SPATS1: variants seen among roughly 807,000 people sequenced by gnomAD.
The protein encoded by SPATS1 is spermatogenesis associated serine rich 1.
In SPATS1, 23 loss-of-function variants were observed where a neutral mutation model predicts 33.6. The observed-to-expected ratio is 0.68, with a 90% CI of 0.49 to 0.97. The LOEUF is 0.97. Ranked by LOEUF, SPATS1 falls within the 50% of genes least tolerant of loss-of-function variation. The pLI is 0.00. For synonymous variants in SPATS1, 131 were observed against 125.6 expected, an observed-to-expected ratio of 1.04 and a Z score of -0.29; for missense variants, 327 against 361.0, an observed-to-expected ratio of 0.91 and a Z score of 0.76.
intron 6 of SPATS1, 62 bp downstream of exon 6, chr6:44,368,561 A>G: frequency 6.8e-7 from 1 of 1,468,274 alleles, no homozygotes; most frequent in East Asian, 2.3e-5. Context: ...TCTCTCTACT[A>G]CACAGAAATT....
At chr6:44,348,800 AC>A (rs1378232547) in intron 2 of SPATS1, among the ~76,000 whole-genome samples, 2 of 152,098 alleles carry the variant, frequency 1.3e-5, no homozygotes, top group African/African-American at 4.8e-5. Flanking sequence ...TGGCTAAGAG[AC>A]CAGCCTGGCC....
At chr6:44,355,469 T>G (rs1561956398) in intron 3 of SPATS1, among the ~76,000 whole-genome samples, 1 of 152,198 alleles carries the variant, frequency 6.6e-6, no homozygotes, top group African/African-American at 2.4e-5. Context: ...TTCTCATACC[T>G]TTGAGTGTTT....
chr6:44,378,328 G>C lies in SPATS1; in HGVS notation c.*1265G>C, dbSNP rs1289904316. 1 of 152,110 alleles carries C rather than the reference G, an allele frequency of 6.6e-6. No homozygotes were observed. Among genetic ancestry groups the C allele is most frequent in the Non-Finnish European group, 1.5e-5 (1 of 68,038 alleles). The allele number at this position is 152,110 out of a possible 1,614,324, so 9.4% of individuals were successfully genotyped here. The stretch of plus-strand genomic sequence containing the variant: ...GGAACCCCCTTGGCTGGCTAATGAA[G>C]GCTGCAGATCTAGTATCTCCAAAAC... On this transcript the variant is annotated 3_prime_UTR_variant, in exon 9 of 9. Transcript: ENST00000674044.
intron 2 of SPATS1, among the ~76,000 whole-genome samples, chr6:44,348,167 C>T (rs530768289): frequency 1.3e-5 from 2 of 152,164 alleles, no homozygotes; most frequent in East Asian, 3.9e-4. Flanking sequence ...CACCACCATG[C>T]CCGGCTGATT....
In SPATS1 at chr6:44,360,560, G is replaced by A. The variant is rs921286456; in HGVS notation, c.402G>A (p.Lys134=). The A allele has an allele frequency of 3.1e-6, 5 of 1,614,032 alleles. No individual in the cohort carries two copies. The highest frequency in any genetic ancestry group is 4.2e-6 in the Non-Finnish European group (5 of 1,180,014). Residue 134 remains lysine, a synonymous_variant, in exon 4 of 9, where the codon AAG becomes AAA. Transcript: ENST00000674044. The part of the protein sequence containing the change: ...DKYPEEFSLL[K]LQTKDGHRPE... ...ATCCTGAGGAATTCAGCCTGCTTAA[G>A]TTGCAGACGAGTAAGTCACAGACCC...
At chr6:44,354,037 CA>C (rs34531075) in intron 3 of SPATS1, among the ~76,000 whole-genome samples, 8 of 99,112 alleles carry the variant, frequency 8.1e-5, no homozygotes, top group African/African-American at 2.4e-4. Context: ...GACTTCGCCT[CA>C]AAAAAAAAAA....
intron 3 of SPATS1, among the ~76,000 whole-genome samples, chr6:44,357,506 C>T (rs982289927): frequency 2.6e-5 from 4 of 152,188 alleles, no homozygotes; most frequent in Non-Finnish European, 5.9e-5. Flanking sequence ...CCTCAGCTCC[C>T]TGAATAGCTG....
chr6:44,367,530 C>T (rs1789320330), intron 5 of SPATS1, among the ~76,000 whole-genome samples: 1 of 152,154 alleles, frequency 6.6e-6, no homozygotes, highest in Non-Finnish European at 1.5e-5. Context: ...CAAGAACTTC[C>T]ACCTGTCACG....
intron 2 of SPATS1, chr6:44,343,670 G>C: frequency 2.8e-6 from 1 of 358,728 alleles, no homozygotes; most frequent in Non-Finnish European, 5.5e-6. Context: ...GGATGGGACA[G>C]TTCAGGTGAG....
At chr6:44,360,803 T>A (rs1788868950) in intron 4 of SPATS1, among the ~76,000 whole-genome samples, 1 of 152,184 alleles carries the variant, frequency 6.6e-6, no homozygotes, top group African/African-American at 2.4e-5. Flanking sequence ...TATAGAAGTA[T>A]ATAGAGTATA....
At chr6:44,361,455 G>A in intron 4 of SPATS1, 1 of 985,418 alleles carries the variant, frequency 1.0e-6, no homozygotes, top group Non-Finnish European at 1.2e-6. Flanking sequence ...CCATTTGCTG[G>A]TTGATGGCAT....
Position 44,379,587 on chromosome 6 carries a change from G to A in SPATS1, c.*2524G>A, listed in dbSNP as rs548636256. Among the ~76,000 whole-genome samples the A allele has an allele frequency of 1.5e-3, 149 of 98,876 alleles. 2 individuals are homozygous for A. Among genetic ancestry groups the A allele is most frequent in the Non-Finnish European group, 1.0e-3 (55 of 55,254 alleles). 64.9% of individuals were successfully genotyped at this position (98,876 alleles called of 152,430 possible). ...TGCACTCCAGCCTGGGCAACAGAGT[G>A]AGACTCTGTCTCAAAAAAAAAAAAA... On this transcript the variant is annotated 3_prime_UTR_variant, in exon 9 of 9. Transcript: ENST00000674044.
chr6:44,373,216 T>C (rs577141604), intron 7 of SPATS1, among the ~76,000 whole-genome samples: 3 of 152,322 alleles, frequency 2.0e-5, no homozygotes, highest in Admixed American at 2.0e-4. Context: ...CTCAAACTCA[T>C]AGAGAATGCC....
Position 44,377,023 on chromosome 6 carries a change from C to T in SPATS1, c.875-12C>T. 1 of 1,614,132 alleles carries T rather than the reference C, an allele frequency of 6.2e-7. No homozygotes were observed. The stretch of plus-strand genomic sequence containing the variant: ...TGGAAGAAAACCTGTAACTCCATGC[C>T]TCTATCCACAGGTGCTTTGGACTTT... On this transcript the variant is annotated splice_polypyrimidine_tract_variant and intron_variant, in intron 8 of 8. Coordinates refer to ENST00000674044, the MANE Select transcript of SPATS1 (RefSeq NM_001372081.1).
At position 44,361,900 on chromosome 6, in the gene SPATS1, G is replaced by A. The variant is rs1334310518; in HGVS notation, c.482G>A (p.Gly161Glu). The A allele has an allele frequency of 6.2e-7, 1 of 1,614,110 alleles. No homozygotes were observed. The highest frequency in any genetic ancestry group is 1.7e-5 in the Admixed American group (1 of 60,004). Reference protein sequence around the residue: ...FSSNIHTYHVGKQCFFNGVFL... With the variant: ...FSSNIHTYHVEKQCFFNGVFL... ...AGCAACATCCACACCTACCACGTCG[G>A]AAAGCAGTGCTTCTTTAATGGAGTC... The change falls in exon 5 of 9, where the codon GGA becomes GAA. Residue 161 changes from glycine (G) to glutamate (E), a missense_variant. Coordinates refer to ENST00000674044, the MANE Select transcript of SPATS1 (RefSeq NM_001372081.1).
At chr6:44,361,024 G>A (rs1210439574) in intron 4 of SPATS1, among the ~76,000 whole-genome samples, 1 of 152,112 alleles carries the variant, frequency 6.6e-6, no homozygotes, top group Non-Finnish European at 1.5e-5. Context: ...AGATCTATAT[G>A]GTTAATATAG....
intron 3 of SPATS1, among the ~76,000 whole-genome samples, chr6:44,354,283 A>G (rs977874696): frequency 8.6e-5 from 13 of 151,092 alleles, no homozygotes; most frequent in Non-Finnish European, 1.6e-4. Flanking sequence ...GCAGTGAGCC[A>G]TGATCGAGCC....
intron 7 of SPATS1, among the ~76,000 whole-genome samples, chr6:44,375,781 G>A (rs1393292244): frequency 1.3e-5 from 2 of 151,746 alleles, no homozygotes; most frequent in East Asian, 1.9e-4. Flanking sequence ...CAGCCTGGGC[G>A]ACAGAGTGAG....
intron 2 of SPATS1, among the ~76,000 whole-genome samples, chr6:44,346,862 A>G (rs1787919679): frequency 6.6e-6 from 1 of 152,194 alleles, no homozygotes; most frequent in Non-Finnish European, 1.5e-5. Flanking sequence ...TGACCCAGCA[A>G]TCCCATTACT....
Sources: gnomAD v4.1 joint callset for allele counts (sites outside exome capture counted in the v4.1 genomes callset) on GRCh38, gnomAD v4.1.1 for gene constraint, MANE v1.5 for transcripts, NCBI Gene and HGNC (gene_info 2026-07-23, HGNC 2026-07-21) for gene names.